COMMD1: variants seen among roughly 807,000 people sequenced by gnomAD.
COMMD1 encodes the protein COMM domain-containing protein 1.
Under a neutral mutation model 17.2 loss-of-function variants are expected in COMMD1, and 10 were observed. The observed-to-expected ratio is 0.58, with a 90% confidence interval of 0.36 to 0.99. The LOEUF is 0.99. Ranked by LOEUF, COMMD1 falls within the 50% of genes least tolerant of loss-of-function variation. The pLI, the probability that COMMD1 is intolerant of heterozygous loss-of-function variation, is 0.01. For synonymous variants in COMMD1, 97 were observed against 91.6 expected (o/e 1.06, Z -0.34); for missense variants, 270 against 231.8 (o/e 1.17, Z -1.07).
chr2:61,954,110 G>C (rs1056573255), intron 1 of COMMD1, among the ~76,000 whole-genome samples: 3 of 152,064 alleles, frequency 2.0e-5, no homozygotes, highest in Non-Finnish European at 4.4e-5. Context: ...TTGGGAGGCT[G>C]AGGCAGGAGA....
chr2:62,104,648 A>T (rs1246275227), intron 2 of COMMD1, among the ~76,000 whole-genome samples: 1 of 151,504 alleles, frequency 6.6e-6, no homozygotes, highest in Admixed American at 6.6e-5. Flanking sequence ...AAAAAAAAAA[A>T]AAAAAACAAT....
At chr2:61,919,312 T>G (rs1670125820) in intron 1 of COMMD1, among the ~76,000 whole-genome samples, 1 of 152,042 alleles carries the variant, frequency 6.6e-6, no homozygotes, top group African/African-American at 2.4e-5. Context: ...GTGCCTGGGC[T>G]CGGCCTCTTT....
At chr2:61,993,219 T>G (rs1668642965) in intron 1 of COMMD1, among the ~76,000 whole-genome samples, 3 of 152,178 alleles carry the variant, frequency 2.0e-5, no homozygotes, top group Non-Finnish European at 2.9e-5. Context: ...TTAGTTTAGG[T>G]TCAAGATAGT....
intron 2 of COMMD1, among the ~76,000 whole-genome samples, chr2:62,007,130 T>C (rs1411905523): frequency 6.6e-6 from 1 of 152,226 alleles, no homozygotes. Flanking sequence ...TTTTTTAATT[T>C]ATTTATTAAT....
At chr2:62,080,461 T>C (rs1175474580) in intron 2 of COMMD1, among the ~76,000 whole-genome samples, 1 of 152,158 alleles carries the variant, frequency 6.6e-6, no homozygotes, top group African/African-American at 2.4e-5. Context: ...AGATGTACAT[T>C]TGGGCCATGT....
chr2:62,125,474 G>GCA (rs1338730821), intron 2 of COMMD1, among the ~76,000 whole-genome samples: 7 of 151,882 alleles, frequency 4.6e-5, no homozygotes, highest in African/African-American at 7.3e-5. Flanking sequence ...TTTTTTTTCT[G>GCA]TTTTGTTAGC....
chr2:61,982,541 G>A (rs2103755758), intron 1 of COMMD1, among the ~76,000 whole-genome samples: 1 of 152,228 alleles, frequency 6.6e-6, no homozygotes, highest in South Asian at 2.1e-4. Context: ...TGGTGTAAGT[G>A]GGCATACTTG....
In COMMD1 at chr2:61,983,654, A is replaced by C. The variant is rs116260303; in HGVS notation, c.181-17047A>C. On this transcript the variant is annotated intron_variant, in intron 1 of 2. Coordinates refer to ENST00000311832, the MANE Select transcript of COMMD1 (RefSeq NM_152516.4). ...CATATAGTTGTTCATGGTAGCCTCT[A>C]ATCCTTCAGTTTCTGCGGTATCAGT... 7.3e-3 allele frequency among the ~76,000 whole-genome samples: 1,104 copies of C among 152,214 alleles called. 16 individuals carry two copies. The highest frequency in any genetic ancestry group is 0.025 in the African/African-American group (1,041 of 41,556).
chr2:61,906,597 G>A (rs1402458853), intron 1 of COMMD1, among the ~76,000 whole-genome samples: 2 of 150,450 alleles, frequency 1.3e-5, no homozygotes, highest in Non-Finnish European at 2.9e-5. Context: ...CATCATATTG[G>A]ACAACTCTAT....
chr2:61,963,185 T>A (rs1410734400), intron 1 of COMMD1, among the ~76,000 whole-genome samples: 1 of 129,754 alleles, frequency 7.7e-6, no homozygotes, highest in African/African-American at 3.2e-5. Flanking sequence ...TATATATATA[T>A]TATATACACA....
chr2:61,943,932 A>T (rs1239222408), intron 1 of COMMD1, among the ~76,000 whole-genome samples: 1 of 152,210 alleles, frequency 6.6e-6, no homozygotes, highest in African/African-American at 2.4e-5. Context: ...AGTTCCCTGT[A>T]GGGCTGCTAC....
At chr2:62,006,747 T>C (rs374083259) in intron 2 of COMMD1, among the ~76,000 whole-genome samples, 3 of 152,344 alleles carry the variant, frequency 2.0e-5, no homozygotes, top group African/African-American at 7.2e-5. Context: ...CATATGTCTT[T>C]AGAAATGTTT....
chr2:61,938,280 CAAA>C (rs36082372), intron 1 of COMMD1, among the ~76,000 whole-genome samples: 1 of 127,972 alleles, frequency 7.8e-6, no homozygotes. Flanking sequence ...ATTAAGAGAC[CAAA>C]AAAAAAAAAA....
intron 2 of COMMD1, among the ~76,000 whole-genome samples, chr2:62,038,908 A>C (rs369328060): frequency 6.6e-6 from 1 of 152,230 alleles, no homozygotes; most frequent in East Asian, 1.9e-4. Context: ...TTTCATTTCT[A>C]ATGAAAGACA....
intron 2 of COMMD1, among the ~76,000 whole-genome samples, chr2:62,114,006 G>C (rs190777212): frequency 6.6e-6 from 1 of 152,306 alleles, no homozygotes; most frequent in East Asian, 1.9e-4. Flanking sequence ...CTTTGCAGGA[G>C]GCCTGTCCTC....
chr2:61,924,343 G>A (rs1414391212), intron 1 of COMMD1, among the ~76,000 whole-genome samples: 2 of 150,682 alleles, frequency 1.3e-5, no homozygotes, highest in Non-Finnish European at 3.0e-5. Flanking sequence ...TTGAGAACGA[G>A]TAAGGGGTGG....
intron 1 of COMMD1, among the ~76,000 whole-genome samples, chr2:61,950,870 T>G (rs1052777440): frequency 6.6e-6 from 1 of 152,198 alleles, no homozygotes; most frequent in Non-Finnish European, 1.5e-5. Flanking sequence ...AAGTTAAAAC[T>G]TGTGAATTCT....
intron 2 of COMMD1, among the ~76,000 whole-genome samples, chr2:62,101,813 C>A (rs932923055): frequency 2.6e-5 from 4 of 152,192 alleles, no homozygotes; most frequent in Admixed American, 2.6e-4. Flanking sequence ...CCTTTCAGCA[C>A]CTCAGTGTGC....
chr2:62,025,471 A>AG (rs1202478790), intron 2 of COMMD1, among the ~76,000 whole-genome samples: 7 of 152,116 alleles, frequency 4.6e-5, no homozygotes, highest in Admixed American at 1.3e-4. Context: ...TAGAGGCTGC[A>AG]GTGAGCTCTG....
Sources: gnomAD v4.1 joint callset for allele counts (sites outside exome capture counted in the v4.1 genomes callset) on GRCh38, gnomAD v4.1.1 for gene constraint, MANE v1.5 for transcripts, NCBI Gene and HGNC (gene_info 2026-07-23, HGNC 2026-07-21) for gene names.